Variants in SP110 observed in about 807,000 individuals in gnomAD.
SP110 encodes SP110 nuclear body protein.
A neutral mutation model predicts 92.7 loss-of-function variants in SP110; 62 were observed. The ratio of observed to expected loss-of-function variants is 0.67; its 90% CI spans 0.55 to 0.83. The LOEUF (loss-of-function observed/expected upper bound fraction) is 0.83, where lower values mean the gene tolerates loss of function less well. SP110 is among the 40% of genes least tolerant of loss of function. SP110 has a pLI of 0.00. For synonymous variants in SP110, 273 were observed against 305.3 expected, an observed-to-expected ratio of 0.89 and a Z score of 1.10; for missense variants, 793 against 863.9, an observed-to-expected ratio of 0.92 and a Z score of 1.03.
chr2:230,212,600 C>A (rs543610932), intron 4 of SP110, among the ~76,000 whole-genome samples, 161 bp downstream of exon 4: 1 of 152,094 alleles, frequency 6.6e-6, no homozygotes, highest in Non-Finnish European at 1.5e-5. Context: ...ACCCACCCCC[C>A]GGCAGTGCTC....
chr2:230,194,183 T>C (rs536523400), intron 10 of SP110, among the ~76,000 whole-genome samples: 1 of 152,218 alleles, frequency 6.6e-6, no homozygotes, highest in East Asian at 1.9e-4. Flanking sequence ...CATGTCCTAA[T>C]TCATGTTTGG....
chr2:230,171,575 C>T (rs2078441590), intron 17 of SP110, 121 bp downstream of exon 17: 2 of 798,376 alleles, frequency 2.5e-6, no homozygotes, highest in Non-Finnish European at 4.5e-6. Context: ...CGCTCCACTG[C>T]TGCCACGCTG....
chr2:230,218,905 G>A (rs868336432), intron 1 of SP110, among the ~76,000 whole-genome samples: 2 of 151,960 alleles, frequency 1.3e-5, no homozygotes, highest in African/African-American at 4.8e-5. Context: ...TGAATAATAC[G>A]ATAAGCATGT....
chr2:230,168,997 A>G lies in SP110; in HGVS notation c.*127T>C. ...AGATGGAGGGTGTGATAATCCTATGAAGTGTCTGGGTTTGGGTCCTGAGGG... is the reference window on the plus strand; with the variant it reads ...AGATGGAGGGTGTGATAATCCTATGGAGTGTCTGGGTTTGGGTCCTGAGGG... On this transcript the variant is annotated 3_prime_UTR_variant, in exon 19 of 19. Transcript: ENST00000258381. 2.6e-6 allele frequency: 2 copies of G among 756,728 alleles called. No individual in the cohort carries two copies. Among genetic ancestry groups the G allele is most frequent in the Non-Finnish European group, 2.4e-6 (1 of 411,314 alleles). The allele number at this position is 756,728 out of a possible 1,614,324, so 46.9% of individuals were successfully genotyped here. A position where few individuals can be genotyped will look rare whatever the true frequency, so the allele number is the denominator to read the frequency against.
intron 10 of SP110, among the ~76,000 whole-genome samples, chr2:230,195,197 GT>G (rs1228869667): frequency 1.3e-5 from 2 of 151,516 alleles, no homozygotes; most frequent in African/African-American, 4.9e-5. Flanking sequence ...TTTTTTTCCT[GT>G]TTTCCCTGAC....
chr2:230,195,014 G>A (rs2042801935), intron 10 of SP110, among the ~76,000 whole-genome samples: 1 of 151,978 alleles, frequency 6.6e-6, no homozygotes, highest in African/African-American at 2.4e-5. Context: ...TAAACACCAA[G>A]AGAGTAACAA....
chr2:230,188,613 G>A (rs1182402661), intron 10 of SP110, among the ~76,000 whole-genome samples: 3 of 152,126 alleles, frequency 2.0e-5, no homozygotes, highest in Non-Finnish European at 2.9e-5. Context: ...GTATCACATT[G>A]GCTGTGGGTT....
chr2:230,185,882 T>G, intron 11 of SP110, 112 bp downstream of exon 11: 1 of 934,216 alleles, frequency 1.1e-6, no homozygotes, highest in Non-Finnish European at 1.8e-6. Flanking sequence ...CTCTTTTCTG[T>G]ACGTCTCCCT....
At chr2:230,206,606 T>TATATATATATATATAC (rs2043864272) in intron 8 of SP110, among the ~76,000 whole-genome samples, 1 of 52,712 alleles carries the variant, frequency 1.9e-5, no homozygotes, top group African/African-American at 1.1e-4. Flanking sequence ...TATATATATA[T>TATATATATATATATAC]ATATATATAT....
At position 230,198,172 on chromosome 2, in the gene SP110, G is replaced by A. The variant is rs181061457; in HGVS notation, c.1129+2713C>T. Among the ~76,000 whole-genome samples the A allele has an allele frequency of 3.7e-3, 563 of 152,338 alleles. 3 individuals are homozygous for A. The highest frequency in any genetic ancestry group is 0.013 in the African/African-American group (541 of 41,570). ...AGGGCTGCTGTCCTCTATGTGGTAG[G>A]TCATGCTGCTTTGGCCTTCTGGCGC... On this transcript the variant is annotated intron_variant, in intron 10 of 18. Coordinates refer to ENST00000258381, the MANE Select transcript of SP110 (RefSeq NM_080424.4).
upstream of SP110, among the ~76,000 whole-genome samples, chr2:230,222,772 T>C (rs1434874495): frequency 6.6e-6 from 1 of 151,294 alleles, no homozygotes; most frequent in Admixed American, 6.6e-5. Flanking sequence ...AATCCCCTCC[T>C]TAAGGCCAGC....
chr2:230,174,074 A>T (rs1191352661), intron 14 of SP110: 1 of 152,242 alleles, frequency 6.6e-6, no homozygotes, highest in Non-Finnish European at 1.5e-5. Context: ...CATTACTCAC[A>T]AAGAACTCAT....
intron 18 of SP110, 28 bp from the exon 19 acceptor site, chr2:230,169,265 A>C: frequency 8.1e-7 from 1 of 1,239,360 alleles, no homozygotes; most frequent in Non-Finnish European, 1.2e-6. Context: ...AAACAAACAC[A>C]TTGAAGGATG....
chr2:230,179,950 C>G (rs1415425020), intron 12 of SP110, among the ~76,000 whole-genome samples: 2 of 152,164 alleles, frequency 1.3e-5, no homozygotes, highest in African/African-American at 4.8e-5. Flanking sequence ...CTGTCCTATG[C>G]CTGAGGGCAG....
At chr2:230,197,680 T>TA (rs1168728957) in intron 10 of SP110, among the ~76,000 whole-genome samples, 1 of 152,162 alleles carries the variant, frequency 6.6e-6, no homozygotes, top group Non-Finnish European at 1.5e-5. Context: ...GTTTTAGGTC[T>TA]AACATGTAAG....
chr2:230,196,326 A>G (rs1344390762), intron 10 of SP110, among the ~76,000 whole-genome samples: 1 of 152,188 alleles, frequency 6.6e-6, no homozygotes, highest in Non-Finnish European at 1.5e-5. Context: ...TTATTTAAAC[A>G]AATTGCGGTG....
chr2:230,212,575 T>A, intron 4 of SP110, 145 bp from the exon 5 acceptor site: 1 of 1,056,752 alleles, frequency 9.5e-7, no homozygotes, highest in Non-Finnish European at 1.5e-6. Flanking sequence ...GCAGGTGTTC[T>A]GGACTCTAGG....
At chr2:230,184,634 C>G (rs1468398171) in intron 11 of SP110, among the ~76,000 whole-genome samples, 1 of 151,686 alleles carries the variant, frequency 6.6e-6, no homozygotes, top group African/African-American at 2.4e-5. Context: ...TTCTTAAGTT[C>G]AAAGACAGAA....
In SP110 at chr2:230,183,660, T is replaced by A; in HGVS notation, c.1280-20A>T. The A allele has an allele frequency of 7.5e-7, 1 of 1,339,758 alleles. No individual in the cohort carries two copies. The allele number at this position is 1,339,758 out of a possible 1,614,324, so 83.0% of individuals were successfully genotyped here. ...TCTTTTCTAAACACAGAATTAATAA[T>A]CACTTATAGCTACAAACATAGATTT... On this transcript the variant is annotated intron_variant, in intron 11 of 18. Coordinates refer to ENST00000258381, the MANE Select transcript of SP110 (RefSeq NM_080424.4).
Sources: gnomAD v4.1 joint callset for allele counts (sites outside exome capture counted in the v4.1 genomes callset) on GRCh38, gnomAD v4.1.1 for gene constraint, MANE v1.5 for transcripts, NCBI Gene and HGNC (gene_info 2026-07-23, HGNC 2026-07-21) for gene names.